Variants in PDZRN3 observed in about 807,000 individuals in gnomAD.
PDZRN3 encodes E3 ubiquitin-protein ligase PDZRN3.
PDZRN3 carries 38 observed loss-of-function variants against 85.7 expected under a neutral mutation model. The ratio of observed to expected loss-of-function variants is 0.44; its 90% CI spans 0.34 to 0.58. PDZRN3 has a LOEUF of 0.58. Among genes scored for constraint, PDZRN3 ranks in the 20% least tolerant of loss-of-function variants. The pLI, the probability that PDZRN3 is intolerant of heterozygous loss-of-function variation, is 0.01. For synonymous variants in PDZRN3, 759 were observed against 638.0 expected (o/e 1.19, Z -2.86); for missense variants, 1,629 against 1,506.4 (o/e 1.08, Z -1.35).
rs369219166 is a variant in PDZRN3, at chr3:73,517,560, G to A, written c.918+84794C>T. Among the ~76,000 whole-genome samples the A allele has an allele frequency of 1.1e-4, 16 of 152,318 alleles. No individual in the cohort carries two copies. The East Asian group carries it at 2.9e-3, about 28-fold the overall frequency. On this transcript the variant is annotated intron_variant, in intron 3 of 9. Coordinates refer to ENST00000263666, the MANE Select transcript of PDZRN3 (RefSeq NM_015009.3). ...GATTCTTTAAAAGGCTGAATGAAAT[G>A]TACACAAGAGAATATTCTCAAAATG...
intron 3 of PDZRN3, among the ~76,000 whole-genome samples, chr3:73,584,639 T>G (rs1212336414): frequency 6.6e-6 from 1 of 152,216 alleles, no homozygotes; most frequent in Non-Finnish European, 1.5e-5. Flanking sequence ...TCTAGTGTTC[T>G]GATTTAGATT....
chr3:73,416,295 G>A (rs982031994), intron 3 of PDZRN3, among the ~76,000 whole-genome samples: 2 of 152,026 alleles, frequency 1.3e-5, no homozygotes, highest in East Asian at 3.9e-4. Context: ...ATTATTCTTT[G>A]TTAAGCTAAA....
intron 5 of PDZRN3, among the ~76,000 whole-genome samples, chr3:73,399,194 T>G (rs1701700508): frequency 6.6e-6 from 1 of 152,212 alleles, no homozygotes; most frequent in Admixed American, 6.5e-5. Context: ...ACAAAGTCTC[T>G]ACTACTTCAT....
At chr3:73,598,084 T>C (rs753374053) in intron 3 of PDZRN3, among the ~76,000 whole-genome samples, 5 of 152,172 alleles carry the variant, frequency 3.3e-5, no homozygotes, top group Non-Finnish European at 7.3e-5. Context: ...TAGAGTAAGA[T>C]TGGCCTAAAG....
chr3:73,383,584 G>A lies in PDZRN3; in HGVS notation c.2982C>T (p.Phe994=). The A allele has an allele frequency of 4.3e-6, 7 of 1,614,086 alleles. No individual in the cohort carries two copies. The highest frequency in any genetic ancestry group is 5.9e-6 in the Non-Finnish European group (7 of 1,180,016). Reference sequence around the variant, plus strand: ...GACAATCCAACCTGCTCTGCATCATGAACTCGCGCCGCCGCCGCTGCTCCT... The same window carrying A: ...GACAATCCAACCTGCTCTGCATCATAAACTCGCGCCGCCGCCGCTGCTCCT... ...KAKEQRRRRE[F]MMQSRLDCLK... is the part of the protein sequence containing the mutation. The change falls in exon 10 of 10, where the codon TTC becomes TTT. Residue 994 remains phenylalanine (F), a synonymous_variant. Transcript: ENST00000263666.
chr3:73,587,289 A>G (rs1702291898), intron 3 of PDZRN3, among the ~76,000 whole-genome samples: 1 of 152,192 alleles, frequency 6.6e-6, no homozygotes, highest in African/African-American at 2.4e-5. Context: ...CCATTTTTAT[A>G]CATACATCCC....
intron 3 of PDZRN3, among the ~76,000 whole-genome samples, chr3:73,432,890 C>T (rs1267436555): frequency 2.0e-5 from 3 of 151,860 alleles, no homozygotes; most frequent in African/African-American, 7.3e-5. Context: ...GGTAGGTTAC[C>T]AACAGCAGTA....
intron 3 of PDZRN3, among the ~76,000 whole-genome samples, chr3:73,485,670 A>G (rs1257861223): frequency 6.6e-6 from 1 of 152,228 alleles, no homozygotes; most frequent in Non-Finnish European, 1.5e-5. Flanking sequence ...AGGAAATGCT[A>G]ATTTTAAACT....
chr3:73,418,665 C>T (rs2106769274), intron 3 of PDZRN3, among the ~76,000 whole-genome samples: 1 of 152,282 alleles, frequency 6.6e-6, no homozygotes, highest in Admixed American at 6.5e-5. Context: ...GAACTGGGCC[C>T]CCGTCCTTCC....
At chr3:73,389,545 A>G (rs1701476275) in intron 7 of PDZRN3, among the ~76,000 whole-genome samples, 1 of 152,198 alleles carries the variant, frequency 6.6e-6, no homozygotes, top group Non-Finnish European at 1.5e-5. Context: ...ATGAAACAAA[A>G]TAAGGAGAAC....
At chr3:73,601,785 G>A (rs1702519230) in intron 3 of PDZRN3, among the ~76,000 whole-genome samples, 1 of 152,164 alleles carries the variant, frequency 6.6e-6, no homozygotes, top group African/African-American at 2.4e-5. Flanking sequence ...AATGATGAAT[G>A]ACGAACTGAA....
At chr3:73,388,523 A>G (rs1701447446) in intron 7 of PDZRN3, among the ~76,000 whole-genome samples, 1 of 152,222 alleles carries the variant, frequency 6.6e-6, no homozygotes, top group Non-Finnish European at 1.5e-5. Flanking sequence ...CCAGTTTGAC[A>G]CTTAAACTTC....
chr3:73,533,866 C>T (rs895320712), intron 3 of PDZRN3, among the ~76,000 whole-genome samples: 3 of 152,128 alleles, frequency 2.0e-5, no homozygotes, highest in African/African-American at 7.2e-5. Context: ...TGAGGTTAGC[C>T]TGACCACCCT....
At chr3:73,387,869 T>G (rs1701430313) in intron 8 of PDZRN3, 99 bp downstream of exon 8, 1 of 633,306 alleles carries the variant, frequency 1.6e-6, no homozygotes, top group Non-Finnish European at 2.8e-6. Context: ...CAAAGCACCT[T>G]CAAGTTCGCA....
At chr3:73,504,747 T>A (rs920099504) in intron 3 of PDZRN3, among the ~76,000 whole-genome samples, 1 of 152,354 alleles carries the variant, frequency 6.6e-6, no homozygotes, top group South Asian at 2.1e-4. Flanking sequence ...AGTATACCAC[T>A]TTTTATTAAG....
rs769394698 is a variant in PDZRN3 at position 73,602,356 on chromosome 3, C to T, written c.916G>A (p.Glu306Lys). Residue 306 changes from glutamate to lysine, a missense_variant and splice_region_variant, in exon 3 of 10, where the codon GAG becomes AAG. Physicochemically the swap from Glu to Lys is moderately conservative, Grantham distance 56. Transcript: ENST00000263666. ...GACACTGGCCAGTATTCACATACCTCAATAATCCTGTCATGAATTTGCAGG... is the reference window on the plus strand; with the variant it reads ...GACACTGGCCAGTATTCACATACCTTAATAATCCTGTCATGAATTTGCAGG... ...GGLQIHDRII[E>K]VNGRDLSRAT... 3 of 1,532,956 alleles carry T rather than the reference C, an allele frequency of 2.0e-6. No homozygotes were observed. The South Asian group carries it at 3.4e-5, about 17-fold the overall frequency. 95.0% of individuals were successfully genotyped at this position (1,532,956 alleles called of 1,614,324 possible).
chr3:73,542,760 G>A (rs1358616032), intron 3 of PDZRN3, among the ~76,000 whole-genome samples: 2 of 151,422 alleles, frequency 1.3e-5, no homozygotes, highest in African/African-American at 2.4e-5. Context: ...GGCGACAAGT[G>A]GGAAACTCCA....
chr3:73,460,029 A>AATTCTCAT (rs1703072056), intron 3 of PDZRN3, among the ~76,000 whole-genome samples: 1 of 152,208 alleles, frequency 6.6e-6, no homozygotes, highest in Non-Finnish European at 1.5e-5. Flanking sequence ...TTATTGTTAG[A>AATTCTCAT]ATTCTCATAT....
chr3:73,522,125 C>T (rs1704382170), intron 3 of PDZRN3, among the ~76,000 whole-genome samples: 1 of 152,184 alleles, frequency 6.6e-6, no homozygotes, highest in Non-Finnish European at 1.5e-5. Context: ...ATCTTGTCGA[C>T]GGCCGCTTTC....
Sources: allele counts gnomAD v4.1 joint callset (sites outside exome capture counted in the v4.1 genomes callset), GRCh38; gene constraint gnomAD v4.1.1; transcripts MANE v1.5; gene names NCBI Gene and HGNC (gene_info 2026-07-23, HGNC 2026-07-21).